PALM2AKAP2: variants seen among roughly 807,000 people sequenced by gnomAD.
The protein encoded by PALM2AKAP2 is PALM2-AKAP2 fusion protein.
In PALM2AKAP2, 37 loss-of-function variants were observed where a neutral mutation model predicts 71.5. The observed-to-expected ratio is 0.52, with a 90% confidence interval of 0.40 to 0.68. The LOEUF is 0.68. PALM2AKAP2 is among the 30% of genes least tolerant of loss of function. The pLI is 0.00. For missense variants in PALM2AKAP2, 1,224 were observed against 1,191.8 expected (o/e 1.03, Z -0.40); for synonymous variants, 468 against 478.8 (o/e 0.98, Z 0.29).
At chr9:110,090,214 T>A in intron 1 of PALM2AKAP2, 11 of 387,570 alleles carry the variant, frequency 2.8e-5, no homozygotes, top group South Asian at 2.1e-4. Context: ...TGCGGGCAGG[T>A]ACAGGATGCG....
intron 1 of PALM2AKAP2, among the ~76,000 whole-genome samples, chr9:110,098,439 T>A (rs1834915151): frequency 6.6e-6 from 1 of 152,316 alleles, no homozygotes; most frequent in African/African-American, 2.4e-5. Flanking sequence ...CCTGTGAAAA[T>A]ACTGAAAACT....
At chr9:110,016,076 T>C (rs1430306764) in intron 7 of PALM2AKAP2, 37 bp downstream of exon 7, 1 of 1,598,196 alleles carries the variant, frequency 6.3e-7, no homozygotes, top group Admixed American at 1.7e-5. Flanking sequence ...TCAAAGTGTA[T>C]CTCTAGAGTA....
At chr9:109,901,643 C>T (rs1830334012) in intron 3 of PALM2AKAP2, among the ~76,000 whole-genome samples, 1 of 152,126 alleles carries the variant, frequency 6.6e-6, no homozygotes, top group Non-Finnish European at 1.5e-5. Flanking sequence ...GGCCACAGAA[C>T]ACTATTAGAA....
At chr9:110,049,544 C>T (rs1265923243) in intron 1 of PALM2AKAP2, among the ~76,000 whole-genome samples, 1 of 152,016 alleles carries the variant, frequency 6.6e-6, no homozygotes, top group Non-Finnish European at 1.5e-5. Context: ...GCTGGGACCT[C>T]AGCAGTTAGA....
chr9:109,864,452 C>T (rs1393583903), intron 1 of PALM2AKAP2, among the ~76,000 whole-genome samples: 2 of 152,168 alleles, frequency 1.3e-5, no homozygotes, highest in Admixed American at 6.5e-5. Context: ...CTTCTCTTTC[C>T]ATTCTGATTG....
At chr9:109,696,064 C>T (rs1827965620) in intron 1 of PALM2AKAP2, among the ~76,000 whole-genome samples, 1 of 152,092 alleles carries the variant, frequency 6.6e-6, no homozygotes, top group African/African-American at 2.4e-5. Context: ...AAGTAGTAGA[C>T]TCCCAGTTAT....
chr9:110,051,532 C>T (rs767438822), intron 1 of PALM2AKAP2, among the ~76,000 whole-genome samples: 17 of 152,146 alleles, frequency 1.1e-4, no homozygotes, highest in Non-Finnish European at 2.4e-4. Flanking sequence ...ATTTCTGTCA[C>T]GGTTATTACC....
chr9:110,029,636 G>T (rs1356036631), intron 7 of PALM2AKAP2, among the ~76,000 whole-genome samples: 2 of 152,162 alleles, frequency 1.3e-5, no homozygotes, highest in Admixed American at 1.3e-4. Context: ...AGAATAATCT[G>T]TCCCAATCAA....
intron 6 of PALM2AKAP2, among the ~76,000 whole-genome samples, chr9:109,935,902 A>G (rs1831207976): frequency 6.6e-6 from 1 of 152,160 alleles, no homozygotes; most frequent in Admixed American, 6.5e-5. Context: ...TCTTTCTGGC[A>G]CTTTACAGGC....
At chr9:109,928,505 G>GT (rs564888142) in intron 5 of PALM2AKAP2, among the ~76,000 whole-genome samples, 1 of 152,058 alleles carries the variant, frequency 6.6e-6, no homozygotes, top group African/African-American at 2.4e-5. Flanking sequence ...ACCTGAAGAA[G>GT]TTTTTCCCAT....
At chr9:110,154,964 G>C (rs187454701) in intron 2 of PALM2AKAP2, among the ~76,000 whole-genome samples, 1 of 152,212 alleles carries the variant, frequency 6.6e-6, no homozygotes, top group Non-Finnish European at 1.5e-5. Context: ...ATCAGCCCAC[G>C]ATTGAAATGG....
At chr9:109,734,328 A>G (rs77603823) in intron 1 of PALM2AKAP2, among the ~76,000 whole-genome samples, 6,490 of 152,306 alleles carry the variant, frequency 0.043, 191 homozygotes, top group Non-Finnish European at 0.053. Flanking sequence ...TCTTGCAGCT[A>G]GTATAAAGAG....
At chr9:109,814,101 C>T (rs1006171521) in intron 1 of PALM2AKAP2, among the ~76,000 whole-genome samples, 3 of 152,204 alleles carry the variant, frequency 2.0e-5, no homozygotes, top group East Asian at 1.9e-4. Context: ...CTCCCACTAC[C>T]GTTTGCAGTG....
At chr9:110,047,780 T>C (rs73657330), upstream of PALM2AKAP2, among the ~76,000 whole-genome samples, 6,736 of 152,270 alleles carry the variant, frequency 0.044, 477 homozygotes, top group African/African-American at 0.15. Flanking sequence ...GGTGGGGTGT[T>C]TGTTTGTGTG....
At chr9:109,885,728 T>C (rs1829949500) in intron 3 of PALM2AKAP2, among the ~76,000 whole-genome samples, 1 of 152,200 alleles carries the variant, frequency 6.6e-6, no homozygotes, top group Non-Finnish European at 1.5e-5. Context: ...TGAGAGTAGC[T>C]CTGGCTTAGA....
intron 1 of PALM2AKAP2, among the ~76,000 whole-genome samples, chr9:110,116,300 C>G (rs183891595): frequency 3.3e-5 from 5 of 152,142 alleles, no homozygotes; most frequent in African/African-American, 9.7e-5. Flanking sequence ...ATTTTTAAAA[C>G]TACTCAAAAT....
chr9:109,812,375 G>C (rs148619113), intron 1 of PALM2AKAP2, among the ~76,000 whole-genome samples: 3,611 of 152,248 alleles, frequency 0.024, 60 homozygotes, highest in Non-Finnish European at 0.036. Flanking sequence ...TAGCCCAGAT[G>C]AAAGGGAAGA....
chr9:109,842,923 C>T (rs1828741044), intron 1 of PALM2AKAP2, among the ~76,000 whole-genome samples: 1 of 151,952 alleles, frequency 6.6e-6, no homozygotes, highest in African/African-American at 2.4e-5. Context: ...GGCGGATCAC[C>T]TGAGGTCGGG....
In PALM2AKAP2 at chr9:110,042,382, T is replaced by G. The variant is rs189368446; in HGVS notation, c.582+26343T>G. ...TGGAGGTTTTGGTGAGCCGAGATTGTGCCATTGCACTCCAGCCTGGCAGTA... is the reference window on the plus strand; with the variant it reads ...TGGAGGTTTTGGTGAGCCGAGATTGGGCCATTGCACTCCAGCCTGGCAGTA... On this transcript the variant is annotated intron_variant, in intron 7 of 9. Transcript: ENST00000302798. Among the ~76,000 whole-genome samples the G allele has an allele frequency of 1.7e-3, 208 of 121,304 alleles. 1 individual carries two copies. The highest frequency in any genetic ancestry group is 7.2e-3 in the African/African-American group (203 of 28,206). 79.6% of individuals were successfully genotyped at this position (121,304 alleles called of 152,430 possible).
Sources: allele counts gnomAD v4.1 joint callset (sites outside exome capture counted in the v4.1 genomes callset), GRCh38; gene constraint gnomAD v4.1.1; transcripts MANE v1.5; gene names NCBI Gene and HGNC (gene_info 2026-07-23, HGNC 2026-07-21).